The following UNC79 variants were observed in gnomAD, a reference collection of about 807,000 sequenced individuals.
UNC79 encodes unc-79 subunit of NALCN channel complex.
A neutral mutation model predicts 283.1 loss-of-function variants in UNC79; 37 were observed. That is an observed-to-expected ratio of 0.13 (90% confidence interval 0.10 to 0.17). The LOEUF (loss-of-function observed/expected upper bound fraction) is 0.17. Ranked by LOEUF, UNC79 falls within the 10% of genes least tolerant of loss-of-function variation. The pLI is 1.00. For missense variants in UNC79, 2,272 were observed against 3,211.1 expected (o/e 0.71, Z 7.07); for synonymous variants, 1,107 against 1,200.2 (o/e 0.92, Z 1.61).
At chr14:93,661,512 C>T (rs1290696666) in intron 39 of UNC79, among the ~76,000 whole-genome samples, 2 of 152,096 alleles carry the variant, frequency 1.3e-5, no homozygotes, top group African/African-American at 2.4e-5. Context: ...TTTTGGAGTC[C>T]AGTTAAAATC....
chr14:93,704,586 AG>A (rs1237714458), intron 47 of UNC79, 38 bp from the exon 51 acceptor site: 12 of 1,610,044 alleles, frequency 7.5e-6, no homozygotes, highest in Non-Finnish European at 1.0e-5. Context: ...GGGAGAATAG[AG>A]GACACTAATA....
chr14:93,646,297 A>G (rs928635687), intron 34 of UNC79, among the ~76,000 whole-genome samples: 2 of 152,210 alleles, frequency 1.3e-5, no homozygotes, highest in Non-Finnish European at 2.9e-5. Context: ...TAATATGGAG[A>G]GGAGCTGGGT....
At position 93,700,638 on chromosome 14, in the gene UNC79, G is replaced by A. The variant is rs1383818033; in HGVS notation, c.7549-3987G>A. 2.0e-5 allele frequency among the ~76,000 whole-genome samples: 3 copies of A among 152,080 alleles called. No homozygotes were observed. In the South Asian group the frequency reaches 6.2e-4, roughly 31 times the overall value. On this transcript the variant is annotated intron_variant, in intron 47 of 48. Transcript: ENST00000555664. ...TTATATTCATATAAAATATTCTTAA[G>A]CTGTATTCTGTGACATAGTTACATA...
chr14:93,406,559 G>C (rs574062939), intron 1 of UNC79, among the ~76,000 whole-genome samples: 4 of 152,206 alleles, frequency 2.6e-5, no homozygotes, highest in Non-Finnish European at 5.9e-5. Flanking sequence ...TGGCACTCCA[G>C]CCTGGCCAAC....
intron 9 of UNC79, 136 bp from the exon 10 acceptor site, chr14:93,529,150 T>C (rs1484323261): frequency 1.3e-6 from 1 of 773,172 alleles, no homozygotes; most frequent in South Asian, 1.9e-5. Flanking sequence ...ATTTTAAGAG[T>C]TTATTATGAT....
chr14:93,585,914 C>T (rs1184712997), intron 20 of UNC79, among the ~76,000 whole-genome samples: 5 of 142,876 alleles, frequency 3.5e-5, no homozygotes, highest in African/African-American at 1.0e-4. Context: ...CTGAGTCTTG[C>T]TCTATTGCCC....
At chr14:93,517,824 C>T (rs1259740942) in intron 7 of UNC79, among the ~76,000 whole-genome samples, 1 of 151,822 alleles carries the variant, frequency 6.6e-6, no homozygotes, top group African/African-American at 2.4e-5. Flanking sequence ...CAGCCTTTGA[C>T]CAACATTCCC....
chr14:93,691,934 C>T (rs2074726451), exon 46 of UNC79: 1 of 1,613,978 alleles, frequency 6.2e-7, no homozygotes, highest in Non-Finnish European at 8.5e-7. Flanking sequence ...AGCTAATGGC[C>T]CATAACAAAG....
intron 43 of UNC79, among the ~76,000 whole-genome samples, chr14:93,687,738 G>A (rs375365375): frequency 1.1e-4 from 16 of 151,974 alleles, no homozygotes; most frequent in African/African-American, 3.4e-4. Flanking sequence ...CTCCTGTGCC[G>A]GTTACTGCTT....
intron 1 of UNC79, among the ~76,000 whole-genome samples, chr14:93,392,086 C>T (rs144897227): frequency 3.3e-5 from 5 of 152,250 alleles, no homozygotes; most frequent in Middle Eastern, 3.4e-3. Flanking sequence ...AGTATGTACT[C>T]GACTGAAATA....
rs763130131 is a variant in UNC79, at chr14:93,464,625, CG to C, written c.23-3040del. 35 of 455,744 alleles carry C rather than the reference CG, an allele frequency of 7.7e-5. No homozygotes were observed. The Admixed American group carries it at 8.2e-4, about 11-fold the overall frequency. The allele number at this position is 455,744 out of a possible 1,614,324, so 28.2% of individuals were successfully genotyped here. ...TAAAGTATAAGGAAAGGGGTGGCCC[CG>C]GGGGGAGTTTTGAAGATAGTATAAC... On this transcript the variant is annotated intron_variant, in intron 1 of 48. Coordinates refer to ENST00000555664, the Ensembl canonical transcript of UNC79.
At chr14:93,613,698 G>A (rs2066478823) in intron 27 of UNC79, among the ~76,000 whole-genome samples, 1 of 152,298 alleles carries the variant, frequency 6.6e-6, no homozygotes, top group Non-Finnish European at 1.5e-5. Context: ...ACAGGCGTGA[G>A]CCACTGCGCC....
intron 14 of UNC79, among the ~76,000 whole-genome samples, chr14:93,548,304 A>G (rs780578401): frequency 4.6e-5 from 7 of 152,174 alleles, no homozygotes; most frequent in Non-Finnish European, 1.0e-4. Context: ...AAGGGCGTTC[A>G]TTCATAAAGG....
chr14:93,688,646 A>G lies in UNC79; in HGVS notation c.6910-19A>G. 1 of 1,608,486 alleles carries G rather than the reference A, an allele frequency of 6.2e-7. No homozygotes were observed. Among genetic ancestry groups the G allele is most frequent in the East Asian group, 2.2e-5 (1 of 44,748 alleles). On this transcript the variant is annotated intron_variant, in intron 43 of 48. Transcript: ENST00000555664. This position sits in a 1 kb window ranked among gnomAD's most constrained non-coding sequence, Gnocchi z 4.0. ...TCCAGGTGTCTGCCAGAGTTACAAA[A>G]TACCATTCGGTTTTGTAGAGCCACA...
At chr14:93,522,716 G>C (rs1235343466) in intron 7 of UNC79, among the ~76,000 whole-genome samples, 1 of 151,992 alleles carries the variant, frequency 6.6e-6, no homozygotes, top group Non-Finnish European at 1.5e-5. Context: ...CTAAAAATAT[G>C]ATCAAAATGA....
chr14:93,644,385 G>T (rs897986987), intron 34 of UNC79, among the ~76,000 whole-genome samples: 3 of 152,142 alleles, frequency 2.0e-5, no homozygotes, highest in Non-Finnish European at 4.4e-5. Flanking sequence ...TATAGGAGAG[G>T]GTTGAATTAA....
intron 1 of UNC79, among the ~76,000 whole-genome samples, chr14:93,370,912 G>A (rs900052720): frequency 3.3e-5 from 5 of 151,944 alleles, no homozygotes; most frequent in African/African-American, 1.2e-4. Context: ...TACAAGTAAT[G>A]GGAATACTAG....
chr14:93,546,121 C>T (rs191968030), intron 14 of UNC79, among the ~76,000 whole-genome samples: 18 of 152,218 alleles, frequency 1.2e-4, no homozygotes, highest in South Asian at 2.1e-4. Context: ...TGATGTTATC[C>T]GCAGGAATAA....
At chr14:93,634,478 G>A in intron 31 of UNC79, 43 bp from the exon 34 acceptor site, 2 of 1,451,088 alleles carry the variant, frequency 1.4e-6, no homozygotes, top group East Asian at 2.3e-5. Context: ...TGTGTGCTGT[G>A]GAAATTTATT....
Sources: allele counts gnomAD v4.1 joint callset (sites outside exome capture counted in the v4.1 genomes callset), GRCh38; gene constraint gnomAD v4.1.1; non-coding constraint Gnocchi (gnomAD v3.1); transcripts MANE v1.5; gene names NCBI Gene and HGNC (gene_info 2026-07-23, HGNC 2026-07-21).